Variants in SPRR2G observed in about 807,000 individuals in gnomAD.
SPRR2G encodes the protein small proline-rich protein 2G.
In SPRR2G, 1 loss-of-function variant was observed where a neutral mutation model predicts 0.7. That is an observed-to-expected ratio of 1.49 (90% CI 0.53 to 7.06). The LOEUF (loss-of-function observed/expected upper bound fraction) is 7.06. Ranked by LOEUF, SPRR2G falls within the 30% of genes most tolerant of loss-of-function variation. The pLI is 0.14. For missense variants in SPRR2G, 96 were observed against 88.5 expected (o/e 1.09, Z -0.34); for synonymous variants, 38 against 33.9 (o/e 1.12, Z -0.42).
the SPRR2G span, among the ~76,000 whole-genome samples, chr1:153,201,246 CA>C: frequency 6.6e-6 from 1 of 152,158 alleles, no homozygotes; most frequent in Admixed American, 6.5e-5. Context: ...GTAACACTGC[CA>C]GGAGTGCTGA....
the SPRR2G span, among the ~76,000 whole-genome samples, chr1:153,175,552 T>C: frequency 1.3e-5 from 2 of 152,218 alleles, no homozygotes; most frequent in African/African-American, 2.4e-5. Flanking sequence ...TCATGTTCCA[T>C]ACAAGGTTCA....
chr1:153,173,703 C>T, the SPRR2G span, among the ~76,000 whole-genome samples: 15 of 152,158 alleles, frequency 9.9e-5, no homozygotes, highest in African/African-American at 3.6e-4. Flanking sequence ...AACTACAGAG[C>T]GGTTCCCTCC....
the SPRR2G span, among the ~76,000 whole-genome samples, chr1:153,199,716 G>C: frequency 2.0e-5 from 3 of 150,344 alleles, no homozygotes; most frequent in Non-Finnish European, 4.5e-5. Context: ...ACTGAAATAA[G>C]ATTTTTTTTA....
chr1:153,192,873 C>T, the SPRR2G span, among the ~76,000 whole-genome samples: 1 of 152,202 alleles, frequency 6.6e-6, no homozygotes, highest in African/African-American at 2.4e-5. Flanking sequence ...CACTGTCCGG[C>T]CCCAAACCAC....
At chr1:153,175,279 G>C in the SPRR2G span, among the ~76,000 whole-genome samples, 2 of 152,250 alleles carry the variant, frequency 1.3e-5, no homozygotes, top group East Asian at 1.9e-4. Flanking sequence ...AAAATACAAA[G>C]GCAGTTGTGT....
the SPRR2G span, among the ~76,000 whole-genome samples, chr1:153,179,215 T>C: frequency 6.6e-6 from 1 of 152,146 alleles, no homozygotes; most frequent in Non-Finnish European, 1.5e-5. Flanking sequence ...CCAGCCTGTA[T>C]AAACTAGGAT....
chr1:153,168,899 A>AGTATATGT, the SPRR2G span, among the ~76,000 whole-genome samples: 1 of 90,968 alleles, frequency 1.1e-5, no homozygotes, highest in Non-Finnish European at 2.4e-5. Context: ...TGTACTCATG[A>AGTATATGT]GTGTATGTGT....
At chr1:153,169,209 G>T in the SPRR2G span, among the ~76,000 whole-genome samples, 5 of 151,992 alleles carry the variant, frequency 3.3e-5, no homozygotes, top group Non-Finnish European at 7.4e-5. Flanking sequence ...AACCAACCTT[G>T]TGACTACTCC....
the SPRR2G span, among the ~76,000 whole-genome samples, chr1:153,170,143 G>A: frequency 1.4e-4 from 22 of 152,062 alleles, no homozygotes; most frequent in South Asian, 4.1e-4. Context: ...AATTTTCTTC[G>A]AGTATGTATT....
At chr1:153,157,034 T>A in the SPRR2G span, among the ~76,000 whole-genome samples, 1 of 152,294 alleles carries the variant, frequency 6.6e-6, no homozygotes, top group Non-Finnish European at 1.5e-5. Context: ...GAGCTGGGGC[T>A]TACTGCCACT....
At chr1:153,170,058 A>G in the SPRR2G span, among the ~76,000 whole-genome samples, 28 of 152,356 alleles carry the variant, frequency 1.8e-4, no homozygotes, top group African/African-American at 6.3e-4. Flanking sequence ...TAAGTTACAA[A>G]GTGTAATGGA....
At chr1:153,166,813 C>G in the SPRR2G span, among the ~76,000 whole-genome samples, 2 of 152,294 alleles carry the variant, frequency 1.3e-5, no homozygotes, top group Admixed American at 1.3e-4. Context: ...ACCATCCACA[C>G]AGAGACAGAA....
At chr1:153,179,858 G>T in the SPRR2G span, among the ~76,000 whole-genome samples, 1 of 152,042 alleles carries the variant, frequency 6.6e-6, no homozygotes, top group Non-Finnish European at 1.5e-5. Flanking sequence ...TCCCATATCA[G>T]AACAACCACA....
the SPRR2G span, among the ~76,000 whole-genome samples, chr1:153,200,469 C>G: frequency 6.6e-6 from 1 of 152,194 alleles, no homozygotes; most frequent in Non-Finnish European, 1.5e-5. Context: ...GTACTTCATA[C>G]AGGGCATCCC....
At chr1:153,194,893 A>C in the SPRR2G span, among the ~76,000 whole-genome samples, 1 of 152,174 alleles carries the variant, frequency 6.6e-6, no homozygotes, top group Non-Finnish European at 1.5e-5. Context: ...TGAAGGTCTT[A>C]GTCCCCAAGG....
chr1:153,174,748 A>G, the SPRR2G span: 3 of 152,228 alleles, frequency 2.0e-5, no homozygotes, highest in Non-Finnish European at 4.4e-5. Flanking sequence ...AAAGCAAGGG[A>G]AAGGATTACA....
the SPRR2G span, among the ~76,000 whole-genome samples, chr1:153,168,410 C>T: frequency 1.3e-3 from 193 of 152,332 alleles, no homozygotes; most frequent in Admixed American, 5.9e-3. Context: ...GAAAGACATG[C>T]ATGTGAATGC....
chr1:153,186,779 G>T, the SPRR2G span, among the ~76,000 whole-genome samples: 1 of 152,170 alleles, frequency 6.6e-6, no homozygotes, highest in Non-Finnish European at 1.5e-5. Context: ...AGTTAATACA[G>T]ATTCTTCATA....
At chr1:153,176,939 G>A in the SPRR2G span, among the ~76,000 whole-genome samples, 4 of 152,130 alleles carry the variant, frequency 2.6e-5, no homozygotes, top group East Asian at 1.9e-4. Flanking sequence ...ACCTGTGAGC[G>A]CAAGGGGGAT....
Sources: allele counts gnomAD v4.1 joint callset (sites outside exome capture counted in the v4.1 genomes callset), GRCh38; gene constraint gnomAD v4.1.1; transcripts MANE v1.5; gene names NCBI Gene and HGNC (gene_info 2026-07-23, HGNC 2026-07-21).